The following ARHGAP20 variants were observed in gnomAD, a reference collection of about 807,000 sequenced individuals.
The protein encoded by ARHGAP20 is Rho GTPase activating protein 20.
In ARHGAP20, 34 loss-of-function variants were observed where a neutral mutation model predicts 73.7. That is an observed-to-expected ratio of 0.46 (90% CI 0.35 to 0.61). The LOEUF (loss-of-function observed/expected upper bound fraction) is 0.61. Ranked by LOEUF, ARHGAP20 falls within the 20% of genes least tolerant of loss-of-function variation. ARHGAP20 has a pLI of 0.00. For missense variants in ARHGAP20, 1,314 were observed against 1,420.9 expected, an observed-to-expected ratio of 0.92 and a Z score of 1.21; for synonymous variants, 523 against 518.2, an observed-to-expected ratio of 1.01 and a Z score of -0.13.
intron 4 of ARHGAP20, among the ~76,000 whole-genome samples, chr11:110,620,618 G>A (rs927013132): frequency 6.6e-6 from 1 of 152,076 alleles, no homozygotes; most frequent in African/African-American, 2.4e-5. Flanking sequence ...TCACTTCAGT[G>A]TGAAAAACTT....
At position 110,579,606 on chromosome 11, in the gene ARHGAP20, GAGA is replaced by G. The variant is rs1295590595; in HGVS notation, c.3337_3339del (p.Ser1113del). Reference sequence around the variant, plus strand: ...CAGTGTCTCTCTGAGTCCTGGAAGGGAGAAGAACTACACCTTTGGGCTGACTGC... The same window carrying G: ...CAGTGTCTCTCTGAGTCCTGGAAGGGAGAACTACACCTTTGGGCTGACTGC... On this transcript the variant is annotated inframe_deletion, in exon 15 of 15. Coordinates refer to ENST00000683387, the MANE Select transcript of ARHGAP20 (RefSeq NM_001384657.1). 1.2e-6 allele frequency: 2 copies of G among 1,614,134 alleles called. No homozygotes were observed. The highest frequency in any genetic ancestry group is 1.7e-6 in the Non-Finnish European group (2 of 1,179,980).
chr11:110,681,739 G>GGT (rs2135095222), intron 2 of ARHGAP20, among the ~76,000 whole-genome samples: 1 of 152,288 alleles, frequency 6.6e-6, no homozygotes, highest in African/African-American at 2.4e-5. Context: ...GTGGTGTGTG[G>GGT]TCATGCACAA....
At chr11:110,636,152 A>G (rs1948962889) in intron 2 of ARHGAP20, among the ~76,000 whole-genome samples, 1 of 152,108 alleles carries the variant, frequency 6.6e-6, no homozygotes, top group Non-Finnish European at 1.5e-5. Context: ...GTCTGATGAT[A>G]GTTTAAGTTT....
intron 2 of ARHGAP20, among the ~76,000 whole-genome samples, chr11:110,670,466 G>C (rs1450720976): frequency 6.6e-6 from 1 of 151,906 alleles, no homozygotes; most frequent in Non-Finnish European, 1.5e-5. Flanking sequence ...TTCACAACTA[G>C]GATGAAACAG....
At chr11:110,609,713 C>T (rs887396104) in intron 7 of ARHGAP20, among the ~76,000 whole-genome samples, 40 of 152,238 alleles carry the variant, frequency 2.6e-4, no homozygotes, top group African/African-American at 9.1e-4. Flanking sequence ...GATGATAAAA[C>T]AGAAATGTTT....
At chr11:110,610,350 G>C (rs1415133870) in intron 7 of ARHGAP20, among the ~76,000 whole-genome samples, 1 of 151,950 alleles carries the variant, frequency 6.6e-6, no homozygotes. Context: ...GTCATGAATT[G>C]CTCTGGAAAC....
In ARHGAP20 at chr11:110,607,198, T is replaced by C. The variant is rs74848813; in HGVS notation, c.776-449A>G. Reference sequence around the variant, plus strand: ...CCACAGAAGTATAAGGATCTATATATGTCAAGTATCACTATTATTAATATT... The same window carrying C: ...CCACAGAAGTATAAGGATCTATATACGTCAAGTATCACTATTATTAATATT... On this transcript the variant is annotated intron_variant, in intron 8 of 14. Coordinates refer to ENST00000683387, the MANE Select transcript of ARHGAP20 (RefSeq NM_001384657.1). Among the ~76,000 whole-genome samples the C allele has an allele frequency of 3.9e-5, 6 of 152,366 alleles. No individual in the cohort carries two copies. In the East Asian group the frequency reaches 9.6e-4, roughly 24 times the overall value.
chr11:110,707,690 C>T (rs866597783), intron 1 of ARHGAP20, among the ~76,000 whole-genome samples: 1 of 152,050 alleles, frequency 6.6e-6, no homozygotes, highest in South Asian at 2.1e-4. Context: ...TTAATGCTCC[C>T]ACTTCTTTTT....
chr11:110,630,084 T>C (rs573273405), intron 3 of ARHGAP20, among the ~76,000 whole-genome samples: 2 of 152,340 alleles, frequency 1.3e-5, no homozygotes, highest in South Asian at 4.1e-4. Context: ...ATGCTCCAGT[T>C]ACACAGGCCT....
intron 2 of ARHGAP20, among the ~76,000 whole-genome samples, chr11:110,668,318 CAT>C (rs1949763480): frequency 1.3e-5 from 2 of 152,246 alleles, no homozygotes; most frequent in African/African-American, 4.8e-5. Context: ...AAAGCAATAA[CAT>C]ATTTTAAAAT....
chr11:110,645,816 G>A (rs906052806), intron 2 of ARHGAP20, among the ~76,000 whole-genome samples: 1 of 152,150 alleles, frequency 6.6e-6, no homozygotes, highest in African/African-American at 2.4e-5. Flanking sequence ...GTCCTTTGCA[G>A]CAATATGGAT....
chr11:110,619,617 G>GTATGCAGTGATAGAGTA (rs1565442128), intron 4 of ARHGAP20, among the ~76,000 whole-genome samples: 13 of 129,832 alleles, frequency 1.0e-4, no homozygotes, highest in African/African-American at 2.9e-4. Flanking sequence ...GTGATAGAGT[G>GTATGCAGTGATAGAGTA]TATGCAGTGA....
At chr11:110,606,303 C>G (rs1384990760) in intron 9 of ARHGAP20, among the ~76,000 whole-genome samples, 1 of 152,148 alleles carries the variant, frequency 6.6e-6, no homozygotes, top group African/African-American at 2.4e-5. Flanking sequence ...GCCTTTGACT[C>G]TGCAGTAGGA....
At chr11:110,627,295 G>A (rs1217951500) in intron 3 of ARHGAP20, among the ~76,000 whole-genome samples, 1 of 152,096 alleles carries the variant, frequency 6.6e-6, no homozygotes, top group Non-Finnish European at 1.5e-5. Flanking sequence ...GTTTTGCCAT[G>A]TTGGCCAGGC....
intron 2 of ARHGAP20, among the ~76,000 whole-genome samples, chr11:110,688,902 G>A (rs779655325): frequency 3.2e-4 from 48 of 152,114 alleles, no homozygotes; most frequent in Non-Finnish European, 1.3e-4. Flanking sequence ...CTATGTGCTC[G>A]GAAGAAAGTG....
chr11:110,712,196 C>T lies in ARHGAP20; in HGVS notation c.36G>A (p.Gly12=). 1 of 1,369,256 alleles carries T rather than the reference C, an allele frequency of 7.3e-7. No homozygotes were observed. The allele number at this position is 1,369,256 out of a possible 1,614,324, so 84.8% of individuals were successfully genotyped here. A position where few individuals can be genotyped will look rare whatever the true frequency, so the allele number is the denominator to read the frequency against. The change falls in exon 1 of 15, where the codon GGG becomes GGA. Residue 12 remains glycine, a synonymous_variant. Transcript: ENST00000683387. ...GGGAAGAGGAGCGCCCCGGCTGTCC[C>T]CCTAGAGTCTCCTGCTGGGGGGACA... ...EAMSPQQETL[G]GQPGRSSSLT... is the part of the protein sequence containing the mutation.
chr11:110,702,174 A>C (rs1280892141), intron 1 of ARHGAP20, among the ~76,000 whole-genome samples: 1 of 152,072 alleles, frequency 6.6e-6, no homozygotes, highest in Non-Finnish European at 1.5e-5. Context: ...GCACATCAAA[A>C]AGCTTATCCA....
chr11:110,602,999 G>C (rs661345), intron 9 of ARHGAP20, among the ~76,000 whole-genome samples: 50,400 of 152,038 alleles, frequency 0.33, 10,676 homozygotes, highest in African/African-American at 0.6. Context: ...TGTAATTTGA[G>C]AAATTTAGAA....
chr11:110,582,429 G>T lies in ARHGAP20; in HGVS notation c.1612C>A (p.Leu538Met). The T allele has an allele frequency of 6.3e-7, 1 of 1,598,702 alleles. No homozygotes were observed. ...LENEFTKKVS[L>M]LIQFLIENCL... is the part of the protein sequence containing the mutation. Reference sequence around the variant, plus strand: ...TTCTCAATCAGAAATTGTATAAGCAGGGAAACCTGTAAGAAAAAGGACAAA... The same window carrying T: ...TTCTCAATCAGAAATTGTATAAGCATGGAAACCTGTAAGAAAAAGGACAAA... The change falls in exon 14 of 15, where the codon CTG (leucine) becomes ATG (methionine). Residue 538 changes from leucine to methionine, a missense_variant. Physicochemically the swap from Leu to Met is conservative, Grantham distance 15. This residue lies in a region of ARHGAP20 where 230 missense variants were observed against 317.6 expected (regional missense o/e 0.72). Transcript: ENST00000683387.
Sources: allele counts gnomAD v4.1 joint callset (sites outside exome capture counted in the v4.1 genomes callset), GRCh38; gene constraint gnomAD v4.1.1; regional missense constraint gnomAD v4.1.1; transcripts MANE v1.5; gene names NCBI Gene and HGNC (gene_info 2026-07-23, HGNC 2026-07-21).